ANO4: variants seen among roughly 807,000 people sequenced by gnomAD.
ANO4 encodes the protein anoctamin 4.
In ANO4, 69 loss-of-function variants were observed where a neutral mutation model predicts 141.9. The ratio of observed to expected loss-of-function variants is 0.49; its 90% CI spans 0.40 to 0.59. The LOEUF (loss-of-function observed/expected upper bound fraction) is 0.59. ANO4 is among the 20% of genes least tolerant of loss of function. The pLI is 0.00. For synonymous variants in ANO4, 350 were observed against 394.3 expected (o/e 0.89, Z 1.33); for missense variants, 894 against 1,162.2 (o/e 0.77, Z 3.36).
intron 16 of ANO4, among the ~76,000 whole-genome samples, chr12:101,086,266 A>G (rs543954526): frequency 2.2e-4 from 34 of 152,192 alleles, no homozygotes; most frequent in African/African-American, 7.5e-4. Context: ...GGGGCTAGAG[A>G]GAGGGTCTTG....
At chr12:101,001,779 TC>T (rs1243827159) in intron 8 of ANO4, among the ~76,000 whole-genome samples, 4 of 152,162 alleles carry the variant, frequency 2.6e-5, no homozygotes, top group Admixed American at 6.5e-5. Flanking sequence ...TGCTTCTGAC[TC>T]ACATCCAGGA....
chr12:100,907,522 A>G (rs2040900615), intron 2 of ANO4, among the ~76,000 whole-genome samples: 1 of 151,968 alleles, frequency 6.6e-6, no homozygotes, highest in African/African-American at 2.4e-5. Context: ...GAAGGCAGGA[A>G]CTCTCCTCAA....
At position 101,075,646 on chromosome 12, in the gene ANO4, TATAC is replaced by T. The variant is rs2048990853; in HGVS notation, c.1313-3545_1313-3542del. On this transcript the variant is annotated intron_variant, in intron 14 of 27. Coordinates refer to ENST00000392977, the MANE Select transcript of ANO4 (RefSeq NM_001286615.2). ...AGGTAGTATAAGAGAAATATATATA[TATAC>T]ACACACACACATACACATATATCTT... Among the ~76,000 whole-genome samples, 12 of 149,924 alleles carry T rather than the reference TATAC, an allele frequency of 8.0e-5. No individual in the cohort carries two copies. The South Asian group carries it at 2.5e-3, about 31-fold the overall frequency.
chr12:100,725,603 C>T (rs531794128), intron 1 of ANO4, among the ~76,000 whole-genome samples: 1 of 152,254 alleles, frequency 6.6e-6, no homozygotes, highest in African/African-American at 2.4e-5. Flanking sequence ...GCCTCGGCCT[C>T]CCAAAGTGCT....
At chr12:101,033,579 G>A (rs1433821957) in intron 9 of ANO4, among the ~76,000 whole-genome samples, 1 of 152,072 alleles carries the variant, frequency 6.6e-6, no homozygotes, top group Non-Finnish European at 1.5e-5. Flanking sequence ...ACATAGGCAT[G>A]GGCAAAGTCT....
intron 3 of ANO4, among the ~76,000 whole-genome samples, chr12:100,927,628 G>A (rs657331): frequency 0.7 from 106,598 of 151,986 alleles, 37,588 homozygotes; most frequent in Middle Eastern, 0.76. Context: ...TACATTAGCT[G>A]GCTACTGTGA....
chr12:100,740,581 A>G (rs1380260872), intron 3 of ANO4, among the ~76,000 whole-genome samples: 3 of 152,184 alleles, frequency 2.0e-5, no homozygotes, highest in African/African-American at 4.8e-5. Flanking sequence ...AAACTCGTGT[A>G]TTCAAAAAAG....
intron 8 of ANO4, among the ~76,000 whole-genome samples, chr12:101,009,084 C>T (rs548988283): frequency 6.6e-6 from 1 of 152,180 alleles, no homozygotes; most frequent in South Asian, 2.1e-4. Flanking sequence ...TTCTGAAATT[C>T]ACATGTTAAT....
intron 5 of ANO4, among the ~76,000 whole-genome samples, chr12:100,952,124 A>G (rs1054032321): frequency 6.6e-6 from 1 of 152,152 alleles, no homozygotes; most frequent in Non-Finnish European, 1.5e-5. Context: ...AACTTATTTC[A>G]GCACTCTTAA....
At chr12:100,998,314 C>T (rs111676220) in intron 8 of ANO4, among the ~76,000 whole-genome samples, 17,441 of 152,096 alleles carry the variant, frequency 0.11, 1,252 homozygotes, top group East Asian at 0.2. Flanking sequence ...CCTTGCTCCT[C>T]GGCTTGCAGG....
intron 4 of ANO4, among the ~76,000 whole-genome samples, chr12:100,940,633 A>G (rs1049035421): frequency 6.6e-6 from 1 of 152,150 alleles, no homozygotes; most frequent in African/African-American, 2.4e-5. Flanking sequence ...TGGTCATTCC[A>G]TTTCCCCAGC....
At chr12:101,047,343 G>A (rs1427473944) in intron 13 of ANO4, among the ~76,000 whole-genome samples, 1 of 152,178 alleles carries the variant, frequency 6.6e-6, no homozygotes, top group Non-Finnish European at 1.5e-5. Flanking sequence ...TTGATACTGA[G>A]TGCCCAATAT....
At chr12:100,766,754 G>C (rs543114902) in intron 3 of ANO4, among the ~76,000 whole-genome samples, 3 of 152,060 alleles carry the variant, frequency 2.0e-5, no homozygotes, top group South Asian at 2.1e-4. Context: ...GTTCAAGTTT[G>C]CTCTTTTCTT....
At chr12:100,936,664 T>C (rs627223) in intron 3 of ANO4, among the ~76,000 whole-genome samples, 104,314 of 152,010 alleles carry the variant, frequency 0.69, 35,968 homozygotes, top group Middle Eastern at 0.76. Context: ...CACCCCGTCC[T>C]AAACCATTTC....
intron 3 of ANO4, among the ~76,000 whole-genome samples, chr12:100,748,335 C>T (rs376024667): frequency 1.1e-4 from 16 of 152,310 alleles, no homozygotes; most frequent in East Asian, 7.7e-4. Context: ...GATGTGACCA[C>T]GAGATGCAGA....
intron 1 of ANO4, among the ~76,000 whole-genome samples, chr12:100,809,405 AATGTGCTTTCATGAAAAT>A (rs2035262385): frequency 6.7e-6 from 1 of 149,288 alleles, no homozygotes; most frequent in Non-Finnish European, 1.5e-5. Context: ...AAAAAAGGGT[AATGTGCTTTCATGAAAAT>A]ATGTGCAAGG....
intron 2 of ANO4, among the ~76,000 whole-genome samples, chr12:100,914,006 C>T (rs890360060): frequency 6.6e-6 from 1 of 152,226 alleles, no homozygotes; most frequent in Non-Finnish European, 1.5e-5. Flanking sequence ...CTGAGTTTGT[C>T]TCTTCTCCTC....
intron 26 of ANO4, among the ~76,000 whole-genome samples, chr12:101,125,657 T>A (rs2051282844): frequency 6.6e-6 from 1 of 152,232 alleles, no homozygotes; most frequent in African/African-American, 2.4e-5. Context: ...TGTCTTTAGT[T>A]CTGCTTATGT....
chr12:100,991,714 T>C (rs2045117033), intron 8 of ANO4, among the ~76,000 whole-genome samples: 1 of 152,128 alleles, frequency 6.6e-6, no homozygotes, highest in Non-Finnish European at 1.5e-5. Flanking sequence ...TCTCCAAGTC[T>C]AGAGACTCCT....
Sources: allele counts gnomAD v4.1 joint callset (sites outside exome capture counted in the v4.1 genomes callset), GRCh38; gene constraint gnomAD v4.1.1; transcripts MANE v1.5; gene names NCBI Gene and HGNC (gene_info 2026-07-23, HGNC 2026-07-21).